The following MTOR variants were observed in gnomAD, a reference collection of about 807,000 sequenced individuals.
MTOR encodes mechanistic target of rapamycin kinase.
In MTOR, 70 loss-of-function variants were observed where a neutral mutation model predicts 319.8. The ratio of observed to expected loss-of-function variants is 0.22; its 90% CI spans 0.18 to 0.27. MTOR has a LOEUF of 0.27. Ranked by LOEUF, MTOR falls within the 10% of genes least tolerant of loss-of-function variation. The pLI is 1.00. For missense variants in MTOR, 1,890 were observed against 3,274.4 expected (o/e 0.58, Z 10.32); for synonymous variants, 1,183 against 1,211.4 (o/e 0.98, Z 0.49).
chr1:11,256,878 C>T lies in MTOR; in HGVS notation c.504+55G>A, dbSNP rs775203183. On this transcript the variant is annotated intron_variant, in intron 4 of 57. Coordinates refer to ENST00000361445, the MANE Select transcript of MTOR (RefSeq NM_004958.4). ...GCCTCAGAAGGAAGCAAAAGACCCC[C>T]CCATGACACCATCGTTCCCCAAGCC... 36 of 1,536,138 alleles carry T rather than the reference C, an allele frequency of 2.3e-5. 1 individual carries two copies. The highest frequency in any genetic ancestry group is 3.6e-5 in the Admixed American group (2 of 54,930).
intron 19 of MTOR, among the ~76,000 whole-genome samples, chr1:11,218,520 A>G (rs1646552936): frequency 6.6e-6 from 1 of 152,218 alleles, no homozygotes; most frequent in South Asian, 2.1e-4. Flanking sequence ...AAAGCCTGAA[A>G]GAAAGTAGAA....
chr1:11,235,776 G>T (rs1647194844), intron 13 of MTOR, among the ~76,000 whole-genome samples: 1 of 152,148 alleles, frequency 6.6e-6, no homozygotes, highest in African/African-American at 2.4e-5. Context: ...GAGGTCAAGA[G>T]ATTGAGACCA....
In MTOR at chr1:11,199,766, C is replaced by G; in HGVS notation, c.3945-63G>C. 1 of 1,568,056 alleles carries G rather than the reference C, an allele frequency of 6.4e-7. No homozygotes were observed. Among genetic ancestry groups the G allele is most frequent in the South Asian group, 1.1e-5 (1 of 88,124 alleles). The stretch of plus-strand genomic sequence containing the variant: ...GTGCCTCTGCCTGCTGCCTCAAAGT[C>G]ACACCTATCAATTCGCTTTTGGCAT... On this transcript the variant is annotated intron_variant, in intron 26 of 57. Coordinates refer to ENST00000361445, the MANE Select transcript of MTOR (RefSeq NM_004958.4). The surrounding 1 kb of genome is among the most constrained non-coding windows in gnomAD (Gnocchi z 4.5).
In MTOR at chr1:11,253,866, C is replaced by T. The variant is rs1650023631; in HGVS notation, c.813G>A (p.Leu271=). ...CTCCCTCCATGCTGCTGATTCGGAC[C>T]AGCTCGTTAAGGATCAACAAGGCTC... ...IHGALLILNE[L]VRISSMEGER... Residue 271 remains leucine, a synonymous_variant, in exon 6 of 58, where the codon CTG becomes CTA. Transcript: ENST00000361445. 6.2e-7 allele frequency: 1 copy of T among 1,614,128 alleles called. No individual in the cohort carries two copies. Among genetic ancestry groups the T allele is most frequent in the Non-Finnish European group, 8.5e-7 (1 of 1,180,024 alleles).
chr1:11,167,745 T>G (rs1323211552), intron 28 of MTOR, among the ~76,000 whole-genome samples: 1 of 152,244 alleles, frequency 6.6e-6, no homozygotes, highest in African/African-American at 2.4e-5. Context: ...ATGGGAACAC[T>G]CATCTTGCTG....
chr1:11,257,380 C>CAA (rs1006118528), intron 3 of MTOR, among the ~76,000 whole-genome samples: 17 of 36,756 alleles, frequency 4.6e-4, no homozygotes, highest in Admixed American at 2.0e-3. Flanking sequence ...TACTAAGATA[C>CAA]AAAAAAAAAA....
chr1:11,139,795 A>C (rs1386209983), intron 34 of MTOR, 137 bp from the exon 35 acceptor site: 4 of 1,053,942 alleles, frequency 3.8e-6, no homozygotes, highest in African/African-American at 1.6e-5. Context: ...GGGTTCAAGC[A>C]ATTCTCCTGC....
chr1:11,144,611 G>T, intron 34 of MTOR, 37 bp downstream of exon 34: 10 of 1,588,640 alleles, frequency 6.3e-6, no homozygotes, highest in African/African-American at 1.3e-5. Context: ...AAGGGGTAGG[G>T]GTAGGTGGGT....
At chr1:11,185,969 C>A (rs1307762891) in intron 28 of MTOR, among the ~76,000 whole-genome samples, 1 of 150,686 alleles carries the variant, frequency 6.6e-6, no homozygotes, top group Non-Finnish European at 1.5e-5. Flanking sequence ...GTAGTCCCAG[C>A]TACTTGGGAG....
In MTOR at chr1:11,207,534, G is replaced by C. The variant is rs558971256; in HGVS notation, c.3801+1778C>G. On this transcript the variant is annotated intron_variant, in intron 25 of 57. Coordinates refer to ENST00000361445, the MANE Select transcript of MTOR (RefSeq NM_004958.4). ...AGTGAACCTCCTGCCTCAGTCTCCT[G>C]AGTAGCTGGGACTACAGGCAGGTGC... Among the ~76,000 whole-genome samples the C allele has an allele frequency of 2.2e-3, 329 of 148,310 alleles. 3 individuals are homozygous for C. The highest frequency in any genetic ancestry group is 3.8e-3 in the Non-Finnish European group (257 of 67,498).
chr1:11,261,205 T>G (rs555651145), intron 1 of MTOR, among the ~76,000 whole-genome samples: 3 of 151,578 alleles, frequency 2.0e-5, no homozygotes, highest in African/African-American at 4.8e-5. Context: ...AAGAAAGTAA[T>G]TAGTTCCTGG....
Position 11,107,018 on chromosome 1 carries a change from G to A in MTOR, c.*467C>T. ...TCTTGGGATAGGTGGCAGGGGTGAG[G>A]TCAGCATCTTCTGTGTCTTTACAGT... is the stretch of plus-strand genomic sequence containing the variant. On this transcript the variant is annotated 3_prime_UTR_variant, in exon 58 of 58. Coordinates refer to ENST00000361445, the MANE Select transcript of MTOR (RefSeq NM_004958.4). The A allele has an allele frequency of 7.3e-7, 1 of 1,371,048 alleles. No individual in the cohort carries two copies. Among genetic ancestry groups the A allele is most frequent in the African/African-American group, 1.4e-5 (1 of 69,882 alleles). 84.9% of individuals were successfully genotyped at this position (1,371,048 alleles called of 1,614,324 possible).
At chr1:11,118,625 T>C (rs1642322983) in intron 49 of MTOR, among the ~76,000 whole-genome samples, 1 of 149,188 alleles carries the variant, frequency 6.7e-6, no homozygotes, top group Non-Finnish European at 1.5e-5. Flanking sequence ...CTTCTTTTTT[T>C]TTTTTTTTTT....
At position 11,127,329 on chromosome 1, in the gene MTOR, A is replaced by G. The variant is rs111868516; in HGVS notation, c.6217-185T>C. ...ACCCTGGAGCTTCCAAACCAGCAGC[A>G]TGGCTTATAGGGAAGGAAGGGTGAG... On this transcript the variant is annotated intron_variant, in intron 44 of 57. Coordinates refer to ENST00000361445, the MANE Select transcript of MTOR (RefSeq NM_004958.4). The surrounding 1 kb of genome is among the most constrained non-coding windows in gnomAD (Gnocchi z 5.5). Among the ~76,000 whole-genome samples the G allele has an allele frequency of 0.027, 4,135 of 152,296 alleles. 158 individuals carry two copies. The highest frequency in any genetic ancestry group is 0.093 in the African/African-American group (3,872 of 41,550).
chr1:11,189,097 G>T (rs752458875), intron 28 of MTOR, among the ~76,000 whole-genome samples: 9 of 152,146 alleles, frequency 5.9e-5, no homozygotes, highest in Non-Finnish European at 8.8e-5. Context: ...GCTGGCAGGG[G>T]CATAATCTAA....
In MTOR at chr1:11,117,032, C is replaced by T. The variant is rs1642201058; in HGVS notation, c.6988G>A (p.Val2330Ile). Residue 2330 changes from valine to isoleucine, a missense_variant, in exon 50 of 58, where the codon GTT (valine) becomes ATT (isoleucine). Physicochemically the swap from Val to Ile is conservative, Grantham distance 29. Coordinates refer to ENST00000361445, the MANE Select transcript of MTOR (RefSeq NM_004958.4). Reference sequence around the variant, plus strand: ...TCTCCCAGGCCTAAAATATACCCAACCATTGACATGACCGCTAAAGAACGG... The same window carrying T: ...TCTCCCAGGCCTAAAATATACCCAATCATTGACATGACCGCTAAAGAACGG... ...YTRSLAVMSM[V>I]GYILGLGDRH... 1 of 1,613,144 alleles carries T rather than the reference C, an allele frequency of 6.2e-7. No individual in the cohort carries two copies. Among genetic ancestry groups the T allele is most frequent in the African/African-American group, 1.3e-5 (1 of 74,856 alleles).
chr1:11,227,334 A>T (rs1346108403), intron 19 of MTOR, among the ~76,000 whole-genome samples: 1 of 150,166 alleles, frequency 6.7e-6, no homozygotes, highest in African/African-American at 2.5e-5. Flanking sequence ...AAATTCAATT[A>T]GGTTGATAGT....
rs1646932555 is a variant in MTOR at position 11,228,939 on chromosome 1, G to A, written c.2780-21C>T. ...GTCAGCTAGGACAAAACAACAGAGA[G>A]TGTTAGAGCTACACATGGCATGACG... On this transcript the variant is annotated intron_variant, in intron 18 of 57. Transcript: ENST00000361445. 14 of 1,612,186 alleles carry A rather than the reference G, an allele frequency of 8.7e-6. No individual in the cohort carries two copies. The African/African-American group carries it at 1.3e-4, about 15-fold the overall frequency.
chr1:11,134,989 G>T (rs1010046596), intron 36 of MTOR, among the ~76,000 whole-genome samples: 1 of 152,244 alleles, frequency 6.6e-6, no homozygotes, highest in African/African-American at 2.4e-5. Flanking sequence ...ACAGGGAATA[G>T]GGAGAAGATA....
Sources: gnomAD v4.1 joint callset for allele counts (sites outside exome capture counted in the v4.1 genomes callset) on GRCh38, gnomAD v4.1.1 for gene constraint, Gnocchi (gnomAD v3.1) non-coding constraint, MANE v1.5 for transcripts, NCBI Gene and HGNC (gene_info 2026-07-23, HGNC 2026-07-21) for gene names.